The following OR1I1 variants were observed in gnomAD, a reference collection of about 807,000 sequenced individuals.
The protein encoded by OR1I1 is olfactory receptor 1I1.
For missense variants in OR1I1, 451 were observed against 443.6 expected (o/e 1.02, Z -0.15); for synonymous variants, 171 against 181.4 (o/e 0.94, Z 0.46).
intron 1 of OR1I1, among the ~76,000 whole-genome samples, chr19:15,082,772 C>G (rs1311891121): frequency 1.4e-4 from 16 of 112,776 alleles, no homozygotes; most frequent in African/African-American, 4.1e-4. Context: ...AGTTTGGGAG[C>G]GGGGGGGAGG....
chr19:15,092,099 T>C lies in OR1I1; in HGVS notation c.*3966T>C, dbSNP rs2046259311. 3.2e-5 allele frequency: 2 copies of C among 61,634 alleles called. No individual in the cohort carries two copies. The highest frequency in any genetic ancestry group is 3.6e-4 in the Admixed American group (2 of 5,566). The allele number at this position is 61,634 out of a possible 1,614,324, so 3.8% of individuals were successfully genotyped here. On this transcript the variant is annotated 3_prime_UTR_variant, in exon 2 of 2. Transcript: ENST00000641398. ...TGGATTTAAAACGCTTTTTTTTTTTTTTTTTTTTTTTGGTTTTTGGTTGTT... is the reference window on the plus strand; with the variant it reads ...TGGATTTAAAACGCTTTTTTTTTTTCTTTTTTTTTTTGGTTTTTGGTTGTT...
chr19:15,092,087 C>CTTTTTTTTTTTTTTTTTTTTTT lies in OR1I1; in HGVS notation c.*3956_*3977dup, dbSNP rs537423650. On this transcript the variant is annotated 3_prime_UTR_variant, in exon 2 of 2. Coordinates refer to ENST00000641398, the MANE Select transcript of OR1I1 (RefSeq NM_001004713.2). ...CATTTCACAAATTGGATTTAAAACG[C>CTTTTTTTTTTTTTTTTTTTTTT]TTTTTTTTTTTTTTTTTTTTTTTGG... is the stretch of plus-strand genomic sequence containing the variant. 3.9e-4 allele frequency: 19 copies of CTTTTTTTTTTTTTTTTTTTTTT among 49,008 alleles called. No homozygotes were observed. The highest frequency in any genetic ancestry group is 1.5e-3 in the African/African-American group (16 of 10,734). The allele number at this position is 49,008 out of a possible 1,614,324, so 3.0% of individuals were successfully genotyped here.
rs374219835 is a variant in OR1I1 at position 15,087,386 on chromosome 19, C to T, written c.321C>T (p.Phe107=). The stretch of plus-strand genomic sequence containing the variant: ...CCCAGATGTATGCCTTCCACCTGTT[C>T]GGGACCATGGACAGCTTTCTCCTGG... ...CLTQMYAFHL[F]GTMDSFLLAV... is the part of the protein sequence containing the mutation. Residue 107 remains phenylalanine (F), a synonymous_variant, in exon 2 of 2, where the codon TTC becomes TTT. Coordinates refer to ENST00000641398, the MANE Select transcript of OR1I1 (RefSeq NM_001004713.2). 9 of 1,614,076 alleles carry T rather than the reference C, an allele frequency of 5.6e-6. No individual in the cohort carries two copies. The highest frequency in any genetic ancestry group is 1.3e-5 in the African/African-American group (1 of 74,926).
intron 1 of OR1I1, among the ~76,000 whole-genome samples, chr19:15,083,321 C>T (rs2046216787): frequency 6.6e-6 from 1 of 152,106 alleles, no homozygotes; most frequent in African/African-American, 2.4e-5. Context: ...GTCTTGAACT[C>T]CTGGCCTCAA....
In OR1I1 at chr19:15,088,328, A is replaced by G; in HGVS notation, c.*195A>G. The G allele has an allele frequency of 3.3e-6, 2 of 607,424 alleles. No individual in the cohort carries two copies. Among genetic ancestry groups the G allele is most frequent in the South Asian group, 4.5e-5 (2 of 44,252 alleles). The allele number at this position is 607,424 out of a possible 1,614,324, so 37.6% of individuals were successfully genotyped here. A position where few individuals can be genotyped will look rare whatever the true frequency, so the allele number is the denominator to read the frequency against. On this transcript the variant is annotated 3_prime_UTR_variant, in exon 2 of 2. Coordinates refer to ENST00000641398, the MANE Select transcript of OR1I1 (RefSeq NM_001004713.2). The stretch of plus-strand genomic sequence containing the variant: ...ATTGCTATGTGAATAAGAGTAGTTG[A>G]AAACAAGAGACGTAGCTACACTCAT...
At position 15,087,433 on chromosome 19, in the gene OR1I1, T is replaced by G. The variant is rs1257008462; in HGVS notation, c.368T>G (p.Phe123Cys). 6.2e-7 allele frequency: 1 copy of G among 1,613,938 alleles called. No homozygotes were observed. Among genetic ancestry groups the G allele is most frequent in the Non-Finnish European group, 8.5e-7 (1 of 1,179,924 alleles). ...FLLAVMAIDR[F>C]VAIVHPQRYL... Reference sequence around the variant, plus strand: ...CTGGCAGTAATGGCCATCGACCGCTTCGTGGCCATTGTCCACCCACAGCGT... The same window carrying G: ...CTGGCAGTAATGGCCATCGACCGCTGCGTGGCCATTGTCCACCCACAGCGT... The change falls in exon 2 of 2, where the codon TTC (phenylalanine) becomes TGC (cysteine). Residue 123 changes from phenylalanine (F) to cysteine (C), a missense_variant. Coordinates refer to ENST00000641398, the MANE Select transcript of OR1I1 (RefSeq NM_001004713.2).
chr19:15,087,896 G>A lies in OR1I1; in HGVS notation c.831G>A (p.Met277Ile). The change falls in exon 2 of 2, where the codon ATG becomes ATA. Residue 277 changes from methionine (M) to isoleucine (I), a missense_variant. Physicochemically the swap from Met to Ile is conservative, Grantham distance 10 (BLOSUM62 1). Coordinates refer to ENST00000641398, the MANE Select transcript of OR1I1 (RefSeq NM_001004713.2). ...SSQKDKAAAL[M>I]CGVFIPMLNP... The stretch of plus-strand genomic sequence containing the variant: ...AGAAGGACAAGGCAGCCGCCCTAAT[G>A]TGTGGGGTGTTCATCCCCATGCTCA... The A allele has an allele frequency of 3.7e-6, 6 of 1,614,244 alleles. No homozygotes were observed. Among genetic ancestry groups the A allele is most frequent in the Non-Finnish European group, 5.1e-6 (6 of 1,180,050 alleles).
In OR1I1 at chr19:15,087,070, A is replaced by G. The variant is rs1464642747; in HGVS notation, c.5A>G (p.Glu2Gly). The part of the protein sequence containing the change: M[E>G]PEKQTEISEF... ...CCCACTAGTCACAGACCATACATGG[A>G]ACCAGAAAAGCAAACCGAAATCTCA... Residue 2 changes from glutamate (E) to glycine (G), a missense_variant, in exon 2 of 2, where the codon GAA (glutamate) becomes GGA (glycine). Physicochemically the swap from Glu to Gly is moderately conservative, Grantham distance 98 (BLOSUM62 -2). Transcript: ENST00000641398. 7.5e-6 allele frequency: 12 copies of G among 1,609,340 alleles called. No individual in the cohort carries two copies. The South Asian group carries it at 1.1e-4, about 15-fold the overall frequency.
Position 15,087,197 on chromosome 19 carries a change from C to G in OR1I1, c.132C>G (p.Leu44=). The change falls in exon 2 of 2, where the codon CTC becomes CTG. Residue 44 remains leucine (L), a synonymous_variant. Transcript: ENST00000641398. ...TGGTCACCATCATTGGAAATGCCCT[C>G]ATTATCCTGGCCATCATCACGGACT... is the stretch of plus-strand genomic sequence containing the variant. ...TYLVTIIGNA[L]IILAIITDSH... 1 of 1,614,086 alleles carries G rather than the reference C, an allele frequency of 6.2e-7. No homozygotes were observed. Among genetic ancestry groups the G allele is most frequent in the Non-Finnish European group, 8.5e-7 (1 of 1,179,986 alleles).
Position 15,087,349 on chromosome 19 carries a change from T to C in OR1I1, c.284T>C (p.Val95Ala), listed in dbSNP as rs2046234272. ...GCTCAGAGCAGAGCCATCCCCTTTG[T>C]GGGCTGCCTCACCCAGATGTATGCC... ...IQAQSRAIPF[V>A]GCLTQMYAFH... Residue 95 changes from valine (V) to alanine (A), a missense_variant, in exon 2 of 2, where the codon GTG becomes GCG. Physicochemically the swap from Val to Ala is moderately conservative, Grantham distance 64. Coordinates refer to ENST00000641398, the MANE Select transcript of OR1I1 (RefSeq NM_001004713.2). 6.2e-7 allele frequency: 1 copy of C among 1,614,196 alleles called. No homozygotes were observed. The highest frequency in any genetic ancestry group is 1.1e-5 in the South Asian group (1 of 91,084).
intron 1 of OR1I1, chr19:15,086,840 T>G: frequency 1.5e-6 from 1 of 663,288 alleles, no homozygotes; most frequent in Non-Finnish European, 2.4e-6. Flanking sequence ...CGTTAGATCC[T>G]TGAGACCCTG....
At chr19:15,086,811 A>G (rs901931625) in intron 1 of OR1I1, among the ~76,000 whole-genome samples, 3 of 152,088 alleles carry the variant, frequency 2.0e-5, no homozygotes, top group African/African-American at 7.2e-5. Context: ...AGAACATCCA[A>G]GTTGACTATG....
At chr19:15,085,162 A>ATT (rs1568321872) in intron 1 of OR1I1, among the ~76,000 whole-genome samples, 2 of 34,762 alleles carry the variant, frequency 5.8e-5, no homozygotes, top group African/African-American at 3.3e-4. Flanking sequence ...ATATATATAT[A>ATT]TATATATATA....
chr19:15,085,167 TATATATA>T (rs1172106563), intron 1 of OR1I1, among the ~76,000 whole-genome samples: 5,988 of 41,452 alleles, frequency 0.14, 929 homozygotes, highest in Non-Finnish European at 0.17. Flanking sequence ...TATATATATA[TATATATA>T]TATTTTTTTT....
Position 15,087,533 on chromosome 19 carries a change from T to C in OR1I1, c.468T>C (p.Ser156=), listed in dbSNP as rs2046235498. 1 of 1,614,098 alleles carries C rather than the reference T, an allele frequency of 6.2e-7. No individual in the cohort carries two copies. Among genetic ancestry groups the C allele is most frequent in the East Asian group, 2.2e-5 (1 of 44,876 alleles). The change falls in exon 2 of 2, where the codon TCT becomes TCC. Residue 156 remains serine (S), a synonymous_variant. Coordinates refer to ENST00000641398, the MANE Select transcript of OR1I1 (RefSeq NM_001004713.2). ...CATGGATGATCACCAACCTCCAGTCTCTCATACACACCTGCCTCATGGCTC... is the reference window on the plus strand; with the variant it reads ...CATGGATGATCACCAACCTCCAGTCCCTCATACACACCTGCCTCATGGCTC... ...GASWMITNLQ[S]LIHTCLMAQL... is the part of the protein sequence containing the mutation.
chr19:15,087,758 T>G lies in OR1I1; in HGVS notation c.693T>G (p.Thr231=), dbSNP rs1044785663. 2.0e-5 allele frequency: 32 copies of G among 1,614,100 alleles called. No individual in the cohort carries two copies. Among genetic ancestry groups the G allele is most frequent in the Non-Finnish European group, 2.5e-5 (30 of 1,180,046 alleles). Residue 231 remains threonine (T), a synonymous_variant, in exon 2 of 2, where the codon ACT becomes ACG. Coordinates refer to ENST00000641398, the MANE Select transcript of OR1I1 (RefSeq NM_001004713.2). The part of the protein sequence containing the change: ...IFWTVFKIPS[T]RGKWKAFSTC... ...GGACAGTCTTTAAGATCCCTTCTAC[T>G]CGGGGCAAGTGGAAAGCCTTCTCCA... is the stretch of plus-strand genomic sequence containing the variant.
At chr19:15,082,733 G>A (rs1449236133) in intron 1 of OR1I1, among the ~76,000 whole-genome samples, 1 of 150,472 alleles carries the variant, frequency 6.6e-6, no homozygotes, top group Admixed American at 6.7e-5. Flanking sequence ...GACATTTCAG[G>A]GAAAGGGCTT....
At position 15,087,863 on chromosome 19, in the gene OR1I1, C is replaced by T. The variant is rs772492746; in HGVS notation, c.798C>T (p.Ser266=). 3 of 1,614,104 alleles carry T rather than the reference C, an allele frequency of 1.9e-6. No homozygotes were observed. Among genetic ancestry groups the T allele is most frequent in the Admixed American group, 1.7e-5 (1 of 59,990 alleles). The change falls in exon 2 of 2, where the codon AGC becomes AGT. Residue 266 remains serine (S), a synonymous_variant. Coordinates refer to ENST00000641398, the MANE Select transcript of OR1I1 (RefSeq NM_001004713.2). ...TGTACTTACAGCCCACATCCCCCAG[C>T]TCCTCCCAGAAGGACAAGGCAGCCG... ...FAVYLQPTSP[S]SSQKDKAAAL...
At position 15,092,874 on chromosome 19, in the gene OR1I1, C is replaced by T. The variant is rs557232603; in HGVS notation, c.*4741C>T. 1 of 152,052 alleles carries T rather than the reference C, an allele frequency of 6.6e-6. No homozygotes were observed. The highest frequency in any genetic ancestry group is 2.1e-4 in the South Asian group (1 of 4,814). The allele number at this position is 152,052 out of a possible 1,614,324, so 9.4% of individuals were successfully genotyped here. Reference sequence around the variant, plus strand: ...ATTAGCTGGGCATGGTGGTGCATGCCTGTAGTCTCAGCTACTCAGGAGGCT... The same window carrying T: ...ATTAGCTGGGCATGGTGGTGCATGCTTGTAGTCTCAGCTACTCAGGAGGCT... On this transcript the variant is annotated 3_prime_UTR_variant, in exon 2 of 2. Transcript: ENST00000641398.
Sources: gnomAD v4.1 joint callset for allele counts (sites outside exome capture counted in the v4.1 genomes callset) on GRCh38, gnomAD v4.1.1 for gene constraint, MANE v1.5 for transcripts, NCBI Gene and HGNC (gene_info 2026-07-23, HGNC 2026-07-21) for gene names.